Variants in FBXL13 observed in about 807,000 individuals in gnomAD.
The protein encoded by FBXL13 is F-box and leucine rich repeat protein 13, also known as F-box and leucine-rich repeat protein 13.
Under a neutral mutation model 83.6 loss-of-function variants are expected in FBXL13, and 67 were observed. The ratio of observed to expected loss-of-function variants is 0.80; its 90% CI spans 0.66 to 0.98. The LOEUF (loss-of-function observed/expected upper bound fraction) is 0.98, where lower values mean the gene tolerates loss of function less well. Ranked by LOEUF, FBXL13 falls within the 50% of genes least tolerant of loss-of-function variation. The pLI is 0.00. For missense variants in FBXL13, 822 were observed against 866.5 expected (o/e 0.95, Z 0.64); for synonymous variants, 272 against 299.5 (o/e 0.91, Z 0.95).
rs746660594 is a variant in FBXL13, at chr7:102,909,379, C to T, written c.1008+3707G>A. 1.2e-4 allele frequency among the ~76,000 whole-genome samples: 18 copies of T among 152,208 alleles called. 1 individual carries two copies. Among genetic ancestry groups the T allele is most frequent in the African/African-American group, 3.4e-4 (14 of 41,544 alleles). Reference sequence around the variant, plus strand: ...AATCGCGGACCCCAAGAACCTGCCTCGGTGCTCTACCCTCCTGTGGCCGTG... The same window carrying T: ...AATCGCGGACCCCAAGAACCTGCCTTGGTGCTCTACCCTCCTGTGGCCGTG... On this transcript the variant is annotated intron_variant, in intron 11 of 19. Transcript: ENST00000313221.
chr7:102,960,607 C>A (rs1164224970), intron 8 of FBXL13, among the ~76,000 whole-genome samples: 18 of 150,674 alleles, frequency 1.2e-4, no homozygotes, highest in African/African-American at 2.7e-4. Context: ...CAAAACGAAT[C>A]CAGCAGCACA....
At chr7:102,866,192 GTT>G (rs1807622725) in intron 16 of FBXL13, among the ~76,000 whole-genome samples, 1 of 152,178 alleles carries the variant, frequency 6.6e-6, no homozygotes, top group Non-Finnish European at 1.5e-5. Context: ...CCTTGAGACT[GTT>G]TGCCTCCTAC....
chr7:102,967,268 TTC>T (rs1307211843), intron 7 of FBXL13, among the ~76,000 whole-genome samples: 1 of 55,626 alleles, frequency 1.8e-5, no homozygotes, highest in African/African-American at 5.1e-5. Context: ...AATCCTCTCT[TTC>T]TTTTTTTTTT....
chr7:102,834,089 A>AGGAAGGAAGGAAGGAAGGAAGGAAGGAAG (rs1291419171), intron 17 of FBXL13, among the ~76,000 whole-genome samples: 1 of 68,544 alleles, frequency 1.5e-5, no homozygotes, highest in African/African-American at 6.2e-5. Flanking sequence ...AGGAAAGAAA[A>AGGAAGGAAGGAAGGAAGGAAGGAAGGAAG]GAAAGAAAGA....
In FBXL13 at chr7:103,039,529, T is replaced by C. The variant is rs542201575; in HGVS notation, c.1-10111A>G. 6.6e-5 allele frequency among the ~76,000 whole-genome samples: 10 copies of C among 152,074 alleles called. No homozygotes were observed. The East Asian group carries it at 1.9e-3, about 29-fold the overall frequency. The stretch of plus-strand genomic sequence containing the variant: ...AACTCCAAGACACATAATTGTCAGA[T>C]TCACCAAGGTTGAAATGAGGGAAAA... On this transcript the variant is annotated intron_variant, in intron 2 of 19. Coordinates refer to ENST00000313221, the Ensembl canonical transcript of FBXL13.
chr7:102,828,190 C>T (rs923730618), intron 18 of FBXL13, among the ~76,000 whole-genome samples: 4 of 152,144 alleles, frequency 2.6e-5, no homozygotes, highest in East Asian at 1.9e-4. Flanking sequence ...GCCATTTTCA[C>T]AATATTGATT....
At chr7:103,014,219 AGTGGCACATGCCT>A (rs1023949943) in intron 6 of FBXL13, among the ~76,000 whole-genome samples, 3 of 152,120 alleles carry the variant, frequency 2.0e-5, no homozygotes, top group Non-Finnish European at 4.4e-5. Flanking sequence ...AGCCAGGCAT[AGTGGCACATGCCT>A]GTAGTTCCAG....
At chr7:103,012,245 C>T (rs1411900854) in intron 6 of FBXL13, among the ~76,000 whole-genome samples, 2 of 151,960 alleles carry the variant, frequency 1.3e-5, no homozygotes, top group Non-Finnish European at 2.9e-5. Flanking sequence ...CGTGGTGGCA[C>T]ATGCTTGTAA....
intron 8 of FBXL13, among the ~76,000 whole-genome samples, chr7:102,937,186 G>A (rs567310315): frequency 6.6e-6 from 1 of 152,178 alleles, no homozygotes; most frequent in South Asian, 2.1e-4. Context: ...GTAATTCAGA[G>A]CCTATTATTT....
intron 11 of FBXL13, among the ~76,000 whole-genome samples, chr7:102,888,876 G>C (rs1811143325): frequency 6.6e-6 from 1 of 152,146 alleles, no homozygotes. Flanking sequence ...CTGGTTTTGA[G>C]TCTGGCTCTA....
intron 8 of FBXL13, among the ~76,000 whole-genome samples, chr7:102,949,770 A>G (rs1406958110): frequency 6.6e-6 from 1 of 152,312 alleles, no homozygotes; most frequent in East Asian, 1.9e-4. Context: ...TTGACCTCAG[A>G]TACATATACA....
At chr7:102,853,501 A>G (rs1477317737) in intron 17 of FBXL13, among the ~76,000 whole-genome samples, 1 of 152,230 alleles carries the variant, frequency 6.6e-6, no homozygotes, top group Non-Finnish European at 1.5e-5. Context: ...AATGGCAACA[A>G]AAGCCAAAAT....
intron 8 of FBXL13, 115 bp from the exon 10 acceptor site, chr7:102,932,048 A>C: frequency 1.1e-6 from 1 of 943,070 alleles, no homozygotes; most frequent in Non-Finnish European, 1.6e-6. Flanking sequence ...AAACCTTGGC[A>C]AGTAACATGT....
intron 19 of FBXL13, among the ~76,000 whole-genome samples, chr7:102,818,450 T>C (rs893829707): frequency 5.3e-5 from 8 of 152,224 alleles, no homozygotes; most frequent in Admixed American, 5.2e-4. Context: ...GCACAGTACG[T>C]GGCAAATAAT....
At chr7:102,872,203 C>T (rs1475742486) in intron 16 of FBXL13, among the ~76,000 whole-genome samples, 1 of 152,220 alleles carries the variant, frequency 6.6e-6, no homozygotes, top group Non-Finnish European at 1.5e-5. Flanking sequence ...ACCTCTATCA[C>T]TATGCCTGCC....
chr7:102,938,185 G>A (rs953597790), intron 8 of FBXL13, among the ~76,000 whole-genome samples: 10 of 152,198 alleles, frequency 6.6e-5, no homozygotes, highest in African/African-American at 1.2e-4. Flanking sequence ...GAAAGTCAGA[G>A]TTTTTAAACT....
chr7:102,986,512 A>T (rs1828971003), intron 6 of FBXL13, among the ~76,000 whole-genome samples: 1 of 152,134 alleles, frequency 6.6e-6, no homozygotes, highest in Non-Finnish European at 1.5e-5. Context: ...TCCCGCCTTC[A>T]AGGGACTGTG....
chr7:102,844,615 C>G (rs1160714904), intron 17 of FBXL13, among the ~76,000 whole-genome samples: 3 of 152,174 alleles, frequency 2.0e-5, no homozygotes, highest in Non-Finnish European at 4.4e-5. Context: ...ACTCTCAATA[C>G]TTCCAGAACA....
At chr7:102,907,200 T>C (rs1271869845) in intron 11 of FBXL13, among the ~76,000 whole-genome samples, 3 of 152,148 alleles carry the variant, frequency 2.0e-5, no homozygotes, top group African/African-American at 4.8e-5. Flanking sequence ...TTATTTCCCT[T>C]TGAAAAAACT....
Sources: gnomAD v4.1 joint callset for allele counts (sites outside exome capture counted in the v4.1 genomes callset) on GRCh38, gnomAD v4.1.1 for gene constraint, MANE v1.5 for transcripts, NCBI Gene and HGNC (gene_info 2026-07-23, HGNC 2026-07-21) for gene names.